NPAS3: variants seen among roughly 807,000 people sequenced by gnomAD.
NPAS3 encodes the protein neuronal PAS domain protein 3.
A neutral mutation model predicts 73.1 loss-of-function variants in NPAS3; 14 were observed. The ratio of observed to expected loss-of-function variants is 0.19; its 90% confidence interval spans 0.13 to 0.30. The LOEUF is 0.30. Among genes scored for constraint, NPAS3 ranks in the 10% least tolerant of loss-of-function variants. The pLI, the probability that NPAS3 is intolerant of heterozygous loss-of-function variation, is 1.00. For synonymous variants in NPAS3, 620 were observed against 541.5 expected (o/e 1.14, Z -2.01); for missense variants, 1,096 against 1,250.0 (o/e 0.88, Z 1.86).
At chr14:33,406,508 G>T (rs2047674713) in intron 4 of NPAS3, among the ~76,000 whole-genome samples, 1 of 152,064 alleles carries the variant, frequency 6.6e-6, no homozygotes, top group African/African-American at 2.4e-5. Context: ...TCTCTCAGGG[G>T]CATCTAACAG....
chr14:33,051,296 A>AAAAAAAAAAAAAAAAAAAAAG (rs771840433), intron 1 of NPAS3, among the ~76,000 whole-genome samples: 2 of 142,524 alleles, frequency 1.4e-5, no homozygotes, highest in African/African-American at 5.5e-5. Context: ...AAAAAAAAAA[A>AAAAAAAAAAAAAAAAAAAAAG]AGAGAGACTA....
intron 1 of NPAS3, among the ~76,000 whole-genome samples, chr14:33,012,784 A>G (rs1413856151): frequency 6.6e-6 from 1 of 152,140 alleles, no homozygotes; most frequent in Non-Finnish European, 1.5e-5. Context: ...TACTGAGCTC[A>G]GGCAATCCAC....
At chr14:32,989,325 T>C (rs577465411) in intron 1 of NPAS3, among the ~76,000 whole-genome samples, 5 of 152,016 alleles carry the variant, frequency 3.3e-5, no homozygotes, top group South Asian at 2.1e-4. Flanking sequence ...GGAAATGAGG[T>C]TGAAAAGCTA....
chr14:33,337,905 G>A (rs7160757), intron 3 of NPAS3, among the ~76,000 whole-genome samples: 119,123 of 151,652 alleles, frequency 0.79, 47,392 homozygotes, highest in African/African-American at 0.92. Flanking sequence ...GTTGATTCTT[G>A]TATACTGATC....
rs148836591 is a variant in NPAS3 at position 33,046,146 on chromosome 14, A to G, written c.51-9759A>G. ...ACGAGCTTGGTAAATCCTGAAAGGTATATGTGGGTCTGCCAGGGAAGTACA... is the reference window on the plus strand; with the variant it reads ...ACGAGCTTGGTAAATCCTGAAAGGTGTATGTGGGTCTGCCAGGGAAGTACA... On this transcript the variant is annotated intron_variant, in intron 1 of 11. Transcript: ENST00000356141. Among the ~76,000 whole-genome samples the G allele has an allele frequency of 7.0e-4, 107 of 152,308 alleles. 1 individual carries two copies. The highest frequency in any genetic ancestry group is 2.4e-3 in the African/African-American group (101 of 41,580).
At chr14:33,499,663 A>G (rs765802573) in intron 4 of NPAS3, among the ~76,000 whole-genome samples, 1 of 151,884 alleles carries the variant, frequency 6.6e-6, no homozygotes, top group African/African-American at 2.4e-5. Flanking sequence ...GCTTAAATCT[A>G]GCATTTGCCC....
chr14:33,270,029 C>T (rs1040717688), intron 3 of NPAS3, among the ~76,000 whole-genome samples: 10 of 152,178 alleles, frequency 6.6e-5, no homozygotes, highest in Non-Finnish European at 1.0e-4. Context: ...CCGAGGGACA[C>T]AGGACAGGGC....
At chr14:33,645,411 A>G (rs1289108144) in intron 5 of NPAS3, among the ~76,000 whole-genome samples, 2 of 152,180 alleles carry the variant, frequency 1.3e-5, no homozygotes, top group Non-Finnish European at 2.9e-5. Context: ...ATCAAAATAA[A>G]GGAAAATCTG....
chr14:33,410,464 A>G (rs997197938), intron 4 of NPAS3, among the ~76,000 whole-genome samples: 9 of 152,136 alleles, frequency 5.9e-5, no homozygotes, highest in Non-Finnish European at 4.4e-5. Context: ...TTCATCCTCT[A>G]CACTGCCTTT....
chr14:33,562,481 G>A (rs949194163), intron 5 of NPAS3, among the ~76,000 whole-genome samples: 5 of 152,188 alleles, frequency 3.3e-5, no homozygotes, highest in African/African-American at 1.2e-4. Flanking sequence ...CTATGAGATA[G>A]GAGACATGGG....
intron 3 of NPAS3, among the ~76,000 whole-genome samples, chr14:33,327,744 G>A (rs1185133920): frequency 6.6e-6 from 1 of 152,112 alleles, no homozygotes; most frequent in Non-Finnish European, 1.5e-5. Flanking sequence ...ATGAGTAAAA[G>A]AAATGGAAGC....
chr14:33,703,509 A>C (rs887956038), intron 6 of NPAS3, among the ~76,000 whole-genome samples: 2 of 151,844 alleles, frequency 1.3e-5, no homozygotes, highest in Admixed American at 1.3e-4. Flanking sequence ...TAAATCATTG[A>C]CTCATTCATT....
intron 5 of NPAS3, among the ~76,000 whole-genome samples, chr14:33,644,518 G>A (rs1247670268): frequency 6.6e-6 from 1 of 152,164 alleles, no homozygotes; most frequent in African/African-American, 2.4e-5. Flanking sequence ...CTCAGCATAA[G>A]TCACATATCT....
At chr14:33,443,505 T>C (rs1184321125) in intron 4 of NPAS3, among the ~76,000 whole-genome samples, 2 of 152,206 alleles carry the variant, frequency 1.3e-5, no homozygotes, top group Non-Finnish European at 2.9e-5. Flanking sequence ...TCCAGTTGCA[T>C]GGATCTTGTC....
At chr14:33,709,351 T>A (rs966190839) in intron 6 of NPAS3, among the ~76,000 whole-genome samples, 1 of 152,174 alleles carries the variant, frequency 6.6e-6, no homozygotes, top group African/African-American at 2.4e-5. Context: ...CGAAGGCTGA[T>A]GAATAATATC....
intron 4 of NPAS3, among the ~76,000 whole-genome samples, chr14:33,380,064 TA>T (rs372315350): frequency 0.058 from 8,500 of 146,734 alleles, 304 homozygotes; most frequent in Middle Eastern, 0.13. Context: ...ATGTTGAAAA[TA>T]AAAAAAATAC....
At chr14:33,575,794 T>G (rs2056409701) in intron 5 of NPAS3, among the ~76,000 whole-genome samples, 1 of 152,224 alleles carries the variant, frequency 6.6e-6, no homozygotes. Flanking sequence ...TCTACTCTAG[T>G]AATGATTTTG....
chr14:33,294,011 T>G (rs1175220689), intron 3 of NPAS3, among the ~76,000 whole-genome samples: 2 of 152,108 alleles, frequency 1.3e-5, no homozygotes, highest in East Asian at 3.9e-4. Context: ...TAAGAGGAAG[T>G]GCACACAAAT....
chr14:33,175,918 A>G (rs1006158079), intron 2 of NPAS3, among the ~76,000 whole-genome samples: 1 of 152,188 alleles, frequency 6.6e-6, no homozygotes, highest in Non-Finnish European at 1.5e-5. Context: ...TTTTAAAACA[A>G]CAACAACAAA....
Sources: allele counts gnomAD v4.1 joint callset (sites outside exome capture counted in the v4.1 genomes callset), GRCh38; gene constraint gnomAD v4.1.1; transcripts MANE v1.5; gene names NCBI Gene and HGNC (gene_info 2026-07-23, HGNC 2026-07-21).